Variants in DOCK1 observed in about 807,000 individuals in gnomAD.
DOCK1 encodes the protein dedicator of cytokinesis protein 1.
DOCK1 carries 138 observed loss-of-function variants against 262.7 expected under a neutral mutation model. That is an observed-to-expected ratio of 0.53 (90% CI 0.46 to 0.61). The LOEUF (loss-of-function observed/expected upper bound fraction) is 0.61, where lower values mean the gene tolerates loss of function less well. DOCK1 is among the 20% of genes least tolerant of loss of function. The probability of loss-of-function intolerance (pLI) is 0.00; values close to 1 mark genes in which losing one functional copy is unlikely to be tolerated. For synonymous variants in DOCK1, 866 were observed against 867.4 expected, an observed-to-expected ratio of 1.00 and a Z score of 0.03; for missense variants, 1,908 against 2,370.7, an observed-to-expected ratio of 0.80 and a Z score of 4.05.
At chr10:127,062,649 A>T (rs2045609014) in intron 23 of DOCK1, among the ~76,000 whole-genome samples, 2 of 152,142 alleles carry the variant, frequency 1.3e-5, no homozygotes, top group Non-Finnish European at 2.9e-5. Context: ...GTGTAGTGAA[A>T]TCCCTTCTTC....
intron 1 of DOCK1, among the ~76,000 whole-genome samples, chr10:126,926,359 G>A (rs959909009): frequency 6.6e-6 from 1 of 151,688 alleles, no homozygotes; most frequent in Non-Finnish European, 1.5e-5. Flanking sequence ...ACGTCAGTGT[G>A]AATTGAGATT....
At chr10:127,312,547 T>C (rs1306971293) in intron 29 of DOCK1, among the ~76,000 whole-genome samples, 1 of 152,100 alleles carries the variant, frequency 6.6e-6, no homozygotes, top group East Asian at 1.9e-4. Flanking sequence ...CATTTTAGGT[T>C]GGTGACTGGT....
chr10:127,202,396 T>A lies in DOCK1; in HGVS notation c.2848-45612T>A, dbSNP rs76638610. Among the ~76,000 whole-genome samples, 619 of 151,644 alleles carry A rather than the reference T, an allele frequency of 4.1e-3. 2 individuals are homozygous for A. Among genetic ancestry groups the A allele is most frequent in the African/African-American group, 0.013 (557 of 41,372 alleles). On this transcript the variant is annotated intron_variant, in intron 27 of 51. Coordinates refer to ENST00000623213, the MANE Select transcript of DOCK1 (RefSeq NM_001290223.2). ...CACTTGAGTTTCCACCCACCAGCGC[T>A]GTGTGCTGGTGCTGGAGCTACTGGC...
At position 127,415,008 on chromosome 10, in the gene DOCK1, A is replaced by G. The variant is rs1369106453; in HGVS notation, c.4429-144A>G. On this transcript the variant is annotated intron_variant, in intron 43 of 51. Coordinates refer to ENST00000623213, the MANE Select transcript of DOCK1 (RefSeq NM_001290223.2). ...TGTGAGGTGCTACCTGAAGGCACAC[A>G]TGCCCTGTGCTGAGCACCACAGACC... The G allele has an allele frequency of 4.4e-6, 3 of 680,820 alleles. No homozygotes were observed. In the African/African-American group the frequency reaches 5.5e-5, roughly 12 times the overall value. The allele number at this position is 680,820 out of a possible 1,614,324, so 42.2% of individuals were successfully genotyped here. A position where few individuals can be genotyped will look rare whatever the true frequency, so the allele number is the denominator to read the frequency against.
Position 126,996,708 on chromosome 10 carries a change from G to C in DOCK1, c.474-40G>C, listed in dbSNP as rs368793216. On this transcript the variant is annotated intron_variant, in intron 6 of 51. Coordinates refer to ENST00000623213, the MANE Select transcript of DOCK1 (RefSeq NM_001290223.2). ...TTGTGCTAGAAAATTCAGCCTCCTTGGTCTATGTCTGTGAACTTACTAAAT... is the reference window on the plus strand; with the variant it reads ...TTGTGCTAGAAAATTCAGCCTCCTTCGTCTATGTCTGTGAACTTACTAAAT... 4.2e-5 allele frequency: 65 copies of C among 1,545,178 alleles called. No individual in the cohort carries two copies. The African/African-American group carries it at 8.8e-4, about 21-fold the overall frequency.
At chr10:127,273,504 T>C (rs2060639021) in intron 29 of DOCK1, among the ~76,000 whole-genome samples, 1 of 152,250 alleles carries the variant, frequency 6.6e-6, no homozygotes, top group Non-Finnish European at 1.5e-5. Context: ...TCAAACTGAA[T>C]GTTACTGCTT....
chr10:126,998,419 G>T, intron 8 of DOCK1, 170 bp downstream of exon 8: 1 of 839,710 alleles, frequency 1.2e-6, no homozygotes, highest in Non-Finnish European at 1.8e-6. Context: ...TGGCAGCCAG[G>T]TTGGGCTCTG....
At chr10:127,206,136 C>CTTTTTTT (rs34450374) in intron 27 of DOCK1, among the ~76,000 whole-genome samples, 136 of 78,666 alleles carry the variant, frequency 1.7e-3, no homozygotes, top group Middle Eastern at 0.014. Context: ...TTCTTCTTCT[C>CTTTTTTT]TTTTTTTTTT....
intron 27 of DOCK1, among the ~76,000 whole-genome samples, chr10:127,224,770 A>G (rs1305174792): frequency 1.3e-5 from 2 of 151,834 alleles, no homozygotes; most frequent in Admixed American, 6.6e-5. Flanking sequence ...TCTATATATT[A>G]TCTATATCTG....
intron 27 of DOCK1, among the ~76,000 whole-genome samples, chr10:127,245,953 G>A (rs968573982): frequency 2.0e-5 from 3 of 152,332 alleles, no homozygotes; most frequent in Middle Eastern, 3.4e-3. Context: ...CACCTAGGCT[G>A]ATATAGGCCT....
intron 29 of DOCK1, among the ~76,000 whole-genome samples, chr10:127,321,418 C>G (rs902224548): frequency 2.2e-5 from 3 of 139,088 alleles, no homozygotes; most frequent in African/African-American, 5.5e-5. Context: ...AGGCTCTTTT[C>G]TCAGCCTTCT....
intron 1 of DOCK1, among the ~76,000 whole-genome samples, chr10:126,930,068 G>A (rs1363942897): frequency 1.3e-5 from 2 of 152,196 alleles, no homozygotes; most frequent in African/African-American, 2.4e-5. Flanking sequence ...TCCCACGTGT[G>A]TGGTCCTTGT....
intron 29 of DOCK1, among the ~76,000 whole-genome samples, chr10:127,263,985 G>A (rs541385210): frequency 5.3e-5 from 8 of 152,238 alleles, no homozygotes; most frequent in Non-Finnish European, 8.8e-5. Flanking sequence ...TTGTCACCTC[G>A]AAGAAACCGT....
At chr10:127,337,995 G>A (rs1372234992) in intron 29 of DOCK1, among the ~76,000 whole-genome samples, 2 of 152,154 alleles carry the variant, frequency 1.3e-5, no homozygotes, top group African/African-American at 4.8e-5. Context: ...CCTTTTAGCG[G>A]CTGTGACATG....
At chr10:127,306,911 T>C (rs576098500) in intron 29 of DOCK1, among the ~76,000 whole-genome samples, 12 of 152,326 alleles carry the variant, frequency 7.9e-5, no homozygotes, top group Admixed American at 6.5e-5. Context: ...TTACATGTAT[T>C]ATGTGCAAAG....
rs1287300563 is a variant in DOCK1 at position 126,994,907 on chromosome 10, G to A, written c.474-1841G>A. ...CCAGACGGGGCGGCCGGGCAGAGGC[G>A]CCCCCCACCTCCCGAACGGGGTGGC... On this transcript the variant is annotated intron_variant, in intron 6 of 51. Transcript: ENST00000623213. Among the ~76,000 whole-genome samples the A allele has an allele frequency of 1.3e-4, 19 of 150,846 alleles. No homozygotes were observed. In the East Asian group the frequency reaches 2.8e-3, roughly 22 times the overall value.
chr10:126,957,128 A>G (rs2036807871), intron 1 of DOCK1, among the ~76,000 whole-genome samples: 1 of 152,224 alleles, frequency 6.6e-6, no homozygotes. Flanking sequence ...TTCCTCACAG[A>G]GGGCTCGATT....
At chr10:126,989,267 T>A (rs2039631437) in intron 5 of DOCK1, among the ~76,000 whole-genome samples, 1 of 152,170 alleles carries the variant, frequency 6.6e-6, no homozygotes, top group Non-Finnish European at 1.5e-5. Flanking sequence ...GGGAGTTTTT[T>A]AAAAAAGTGG....
intron 27 of DOCK1, among the ~76,000 whole-genome samples, chr10:127,223,755 C>T (rs1316851450): frequency 6.6e-6 from 1 of 152,088 alleles, no homozygotes; most frequent in Non-Finnish European, 1.5e-5. Context: ...GCTGTTTGTT[C>T]GTATAAAGAA....
Sources: allele counts gnomAD v4.1 joint callset (sites outside exome capture counted in the v4.1 genomes callset), GRCh38; gene constraint gnomAD v4.1.1; transcripts MANE v1.5; gene names NCBI Gene and HGNC (gene_info 2026-07-23, HGNC 2026-07-21).